The following PPFIA4 variants were observed in gnomAD, a reference collection of about 807,000 sequenced individuals.
The protein encoded by PPFIA4 is liprin-alpha-4.
In PPFIA4, 98 loss-of-function variants were observed where a neutral mutation model predicts 145.7. That is an observed-to-expected ratio of 0.67 (90% CI 0.57 to 0.80). PPFIA4 has a LOEUF of 0.80. Among genes scored for constraint, PPFIA4 ranks in the 30% least tolerant of loss-of-function variants. The pLI, the probability that PPFIA4 is intolerant of heterozygous loss-of-function variation, is 0.00. For missense variants in PPFIA4, 1,457 were observed against 1,632.7 expected (o/e 0.89, Z 1.85); for synonymous variants, 628 against 649.6 (o/e 0.97, Z 0.51).
At chr1:203,040,319 G>A (rs149082624) in intron 2 of PPFIA4, among the ~76,000 whole-genome samples, 22 of 152,354 alleles carry the variant, frequency 1.4e-4, no homozygotes, top group South Asian at 8.3e-4. Flanking sequence ...CAGTGGGGGC[G>A]CTGCTGGGGT....
chr1:203,066,036 A>G (rs1661709587), intron 25 of PPFIA4, among the ~76,000 whole-genome samples: 1 of 152,224 alleles, frequency 6.6e-6, no homozygotes, highest in Non-Finnish European at 1.5e-5. Flanking sequence ...CACCTGCAAG[A>G]GAGGTGTGAC....
chr1:203,032,607 A>ATT (rs144372683), intron 1 of PPFIA4, among the ~76,000 whole-genome samples: 2 of 121,130 alleles, frequency 1.7e-5, no homozygotes, highest in African/African-American at 6.4e-5. Context: ...CCCAGCTAAC[A>ATT]TTTTTTTTTT....
In PPFIA4 at chr1:203,043,829, C is replaced by A; in HGVS notation, c.337-102C>A. On this transcript the variant is annotated intron_variant, in intron 3 of 29. Coordinates refer to ENST00000295706, the MANE Select transcript of PPFIA4 (RefSeq NM_001304331.2). The surrounding 1 kb of genome is among the most constrained non-coding windows in gnomAD (Gnocchi z 4.4). Reference sequence around the variant, plus strand: ...TTTCAGTGTTTTCACAGTGGGGTGGCTGTAACTCATGTCTGCTCGGGGATC... The same window carrying A: ...TTTCAGTGTTTTCACAGTGGGGTGGATGTAACTCATGTCTGCTCGGGGATC... 1 of 1,197,826 alleles carries A rather than the reference C, an allele frequency of 8.3e-7. No individual in the cohort carries two copies. Among genetic ancestry groups the A allele is most frequent in the Non-Finnish European group, 1.2e-6 (1 of 866,412 alleles). The allele number at this position is 1,197,826 out of a possible 1,614,324, so 74.2% of individuals were successfully genotyped here. A position where few individuals can be genotyped will look rare whatever the true frequency, so the allele number is the denominator to read the frequency against.
At position 203,063,939 on chromosome 1, in the gene PPFIA4, A is replaced by G; in HGVS notation, c.2986A>G (p.Met996Val). 1 of 1,614,034 alleles carries G rather than the reference A, an allele frequency of 6.2e-7. No homozygotes were observed. Among genetic ancestry groups the G allele is most frequent in the Non-Finnish European group, 8.5e-7 (1 of 1,179,906 alleles). ...CATGGAGTGCCTGGTGGACGCCCGC[A>G]TGCTGGACCACCTCACCAAGAAGGA... ...YFMECLVDARMLDHLTKKDLR... is the reference protein window; with the variant it reads ...YFMECLVDARVLDHLTKKDLR... The change falls in exon 25 of 30, where the codon ATG (methionine) becomes GTG (valine). Residue 996 changes from methionine to valine, a missense_variant. Physicochemically the swap from Met to Val is conservative, Grantham distance 21. Coordinates refer to ENST00000295706, the MANE Select transcript of PPFIA4 (RefSeq NM_001304331.2).
intron 28 of PPFIA4, among the ~76,000 whole-genome samples, chr1:203,074,867 A>T (rs1466143109): frequency 6.6e-6 from 1 of 151,878 alleles, no homozygotes; most frequent in Non-Finnish European, 1.5e-5. Flanking sequence ...GGCAGGTGGC[A>T]GGGGGCTGCC....
Position 203,056,411 on chromosome 1 carries a change from G to A in PPFIA4, c.2143G>A (p.Ala715Thr). 1.9e-6 allele frequency: 3 copies of A among 1,614,024 alleles called. No individual in the cohort carries two copies. In the African/African-American group the frequency reaches 4.0e-5, roughly 22 times the overall value. The change falls in exon 18 of 30, where the codon GCC (alanine) becomes ACC (threonine). Residue 715 changes from alanine to threonine, a missense_variant. Physicochemically the swap from Ala to Thr is moderately conservative, Grantham distance 58 (BLOSUM62 0). Coordinates refer to ENST00000295706, the MANE Select transcript of PPFIA4 (RefSeq NM_001304331.2). Reference protein sequence around the residue: ...VSREENREDKATIKCETSPPS... With the variant: ...VSREENREDKTTIKCETSPPS... ...TCGGGAAGAGAACCGAGAGGATAAAGCCACCATAAAATGTGAGACTTCTCC... is the reference window on the plus strand; with the variant it reads ...TCGGGAAGAGAACCGAGAGGATAAAACCACCATAAAATGTGAGACTTCTCC...
chr1:203,040,749 C>T (rs892335253), intron 2 of PPFIA4, among the ~76,000 whole-genome samples: 1 of 152,156 alleles, frequency 6.6e-6, no homozygotes, highest in South Asian at 2.1e-4. Context: ...CATACCAGCA[C>T]CTGGAGGGAG....
chr1:203,067,241 G>A (rs1388556054), intron 25 of PPFIA4, among the ~76,000 whole-genome samples: 2 of 152,204 alleles, frequency 1.3e-5, no homozygotes, highest in Non-Finnish European at 2.9e-5. Flanking sequence ...GAGAGCAAGA[G>A]GGAGAGTGGC....
At position 203,039,136 on chromosome 1, in the gene PPFIA4, C is replaced by G; in HGVS notation, c.128C>G (p.Ser43Cys). ...MLDEREKLLE[S>C]LRESQETLAA... ...GACGAGCGGGAGAAGTTGCTGGAGT[C>G]TCTTCGGGAGAGTCAGGAGACCTTG... The change falls in exon 2 of 30, where the codon TCT (serine) becomes TGT (cysteine). Residue 43 changes from serine (S) to cysteine (C), a missense_variant. Ser to Cys is a moderately radical substitution (Grantham distance 112, BLOSUM62 -1). Transcript: ENST00000295706. 2.5e-6 allele frequency: 4 copies of G among 1,607,824 alleles called. No homozygotes were observed. Among genetic ancestry groups the G allele is most frequent in the Non-Finnish European group, 3.4e-6 (4 of 1,177,468 alleles).
At position 203,040,671 on chromosome 1, in the gene PPFIA4, G is replaced by A. The variant is rs1659637415; in HGVS notation, c.234+1429G>A. 2.6e-5 allele frequency among the ~76,000 whole-genome samples: 4 copies of A among 152,206 alleles called. No individual in the cohort carries two copies. In the South Asian group the frequency reaches 8.3e-4, roughly 32 times the overall value. ...AAAAGGGTTATTAAGCACAGTATCA[G>A]TGATAAAAATAGCTGCTTTTGATGG... is the stretch of plus-strand genomic sequence containing the variant. On this transcript the variant is annotated intron_variant, in intron 2 of 29. Transcript: ENST00000295706.
At chr1:203,076,128 C>G (rs1162852214) in intron 29 of PPFIA4, 2 of 617,458 alleles carry the variant, frequency 3.2e-6, no homozygotes, top group Non-Finnish European at 5.7e-6. Flanking sequence ...GCCCTCGGCC[C>G]CACGCACCTG....
In PPFIA4 at chr1:203,060,535, C is replaced by A; in HGVS notation, c.2784+118C>A. On this transcript the variant is annotated intron_variant, in intron 22 of 29. Transcript: ENST00000295706. This position sits in a 1 kb window ranked among gnomAD's most constrained non-coding sequence, Gnocchi z 4.8. The stretch of plus-strand genomic sequence containing the variant: ...TGAGCCCTGCCCCTTCCTTCCCATC[C>A]TCACAAAGGGCTCTCCCTGGTCTTC... 9.6e-7 allele frequency: 1 copy of A among 1,042,128 alleles called. No homozygotes were observed. The highest frequency in any genetic ancestry group is 1.4e-6 in the Non-Finnish European group (1 of 700,538). The allele number at this position is 1,042,128 out of a possible 1,614,324, so 64.6% of individuals were successfully genotyped here.
intron 2 of PPFIA4, among the ~76,000 whole-genome samples, chr1:203,041,859 A>T (rs967778800): frequency 2.0e-5 from 3 of 152,150 alleles, no homozygotes; most frequent in African/African-American, 7.2e-5. Context: ...TTTGTGCATA[A>T]GCTGAGGGGT....
At chr1:203,046,963 T>C (rs909821020) in intron 9 of PPFIA4, among the ~76,000 whole-genome samples, 6 of 152,246 alleles carry the variant, frequency 3.9e-5, no homozygotes, top group African/African-American at 1.4e-4. Context: ...CTGAGAGGTG[T>C]GCTGGCTGAA....
rs1373634005 is a variant in PPFIA4 at position 203,055,423 on chromosome 1, C to G, written c.1830-9C>G. 2 of 1,613,430 alleles carry G rather than the reference C, an allele frequency of 1.2e-6. No homozygotes were observed. The highest frequency in any genetic ancestry group is 1.1e-5 in the South Asian group (1 of 91,068). On this transcript the variant is annotated splice_polypyrimidine_tract_variant and intron_variant, in intron 15 of 29. Transcript: ENST00000295706. This position sits in a 1 kb window ranked among gnomAD's most constrained non-coding sequence, Gnocchi z 4.8. ...CTAGTGGTGAGGTCTGGTTTTGCCT[C>G]CCTTCCAGGATGATTCAGGAAGAGA... is the stretch of plus-strand genomic sequence containing the variant.
chr1:203,029,192 G>A (rs1658647433), intron 1 of PPFIA4, among the ~76,000 whole-genome samples: 1 of 152,200 alleles, frequency 6.6e-6, no homozygotes. Flanking sequence ...CAAGAAGCAC[G>A]ATTGCTGCCC....
At chr1:203,029,573 G>A (rs1658673869) in intron 1 of PPFIA4, among the ~76,000 whole-genome samples, 1 of 152,334 alleles carries the variant, frequency 6.6e-6, no homozygotes, top group South Asian at 2.1e-4. Flanking sequence ...AGTATCGGAT[G>A]CATGGAAATC....
At position 203,044,056 on chromosome 1, in the gene PPFIA4, CA is replaced by C; in HGVS notation, c.464del (p.Lys155SerfsTer74). ...SSEVEVLKALKSLFEHHKALD... is the reference protein window; with the variant it reads ...SSEVEVLKALXSLFEHHKALD... Reference sequence around the variant, plus strand: ...GTGAGGTGGAGGTGCTGAAGGCCCTCAAGTCACTGTTTGAGCACCACAAGGC... The same window carrying C: ...GTGAGGTGGAGGTGCTGAAGGCCCTCAGTCACTGTTTGAGCACCACAAGGC... On this transcript the variant is annotated frameshift_variant, in exon 4 of 30. Transcript: ENST00000295706. LOFTEE classifies it high-confidence loss of function. 3.1e-6 allele frequency: 5 copies of C among 1,610,050 alleles called. No individual in the cohort carries two copies. The highest frequency in any genetic ancestry group is 4.2e-6 in the Non-Finnish European group (5 of 1,178,576).
intron 27 of PPFIA4, 114 bp from the exon 28 acceptor site, chr1:203,071,578 G>T: frequency 1.3e-6 from 1 of 793,528 alleles, no homozygotes; most frequent in Non-Finnish European, 2.1e-6. Context: ...TGGGCTAAAT[G>T]CACTGGAGCC....
Sources: gnomAD v4.1 joint callset for allele counts (sites outside exome capture counted in the v4.1 genomes callset) on GRCh38, gnomAD v4.1.1 for gene constraint, Gnocchi (gnomAD v3.1) non-coding constraint, MANE v1.5 for transcripts, NCBI Gene and HGNC (gene_info 2026-07-23, HGNC 2026-07-21) for gene names.